The following UNC13C variants were observed in gnomAD, a reference collection of about 807,000 sequenced individuals.
UNC13C encodes protein unc-13 homolog C.
Under a neutral mutation model 245.4 loss-of-function variants are expected in UNC13C, and 174 were observed. That is an observed-to-expected ratio of 0.71 (90% CI 0.63 to 0.80). UNC13C has a LOEUF of 0.80. UNC13C is among the 30% of genes least tolerant of loss of function. The probability of loss-of-function intolerance (pLI) is 0.00; values close to 1 mark genes in which losing one functional copy is unlikely to be tolerated. For synonymous variants in UNC13C, 992 were observed against 895.1 expected, an observed-to-expected ratio of 1.11 and a Z score of -1.93; for missense variants, 2,829 against 2,602.9, an observed-to-expected ratio of 1.09 and a Z score of -1.89.
At chr15:54,090,016 G>C (rs1595839405) in intron 2 of UNC13C, among the ~76,000 whole-genome samples, 2 of 152,308 alleles carry the variant, frequency 1.3e-5, no homozygotes, top group East Asian at 3.9e-4. Flanking sequence ...GGCACAAACA[G>C]CCTGGGGCTC....
At chr15:54,455,238 TG>T (rs1891446739) in intron 19 of UNC13C, among the ~76,000 whole-genome samples, 6 of 70,142 alleles carry the variant, frequency 8.6e-5, no homozygotes, top group African/African-American at 2.5e-4. Context: ...TATATATATA[TG>T]TTTTTTAATC....
chr15:54,106,746 A>G (rs1302472497), intron 2 of UNC13C, among the ~76,000 whole-genome samples: 1 of 152,218 alleles, frequency 6.6e-6, no homozygotes, highest in Non-Finnish European at 1.5e-5. Flanking sequence ...TATATGACTC[A>G]GTTTAAAACC....
chr15:54,531,393 G>A (rs1895728419), intron 25 of UNC13C, among the ~76,000 whole-genome samples: 1 of 152,118 alleles, frequency 6.6e-6, no homozygotes, highest in African/African-American at 2.4e-5. Flanking sequence ...AGATACATAA[G>A]GAATAATTTT....
At chr15:54,010,112 G>A (rs1031300885) in intron 1 of UNC13C, among the ~76,000 whole-genome samples, 5 of 152,136 alleles carry the variant, frequency 3.3e-5, no homozygotes, top group African/African-American at 9.7e-5. Flanking sequence ...AAGGCCCAGT[G>A]CAGCCAGTTT....
chr15:54,005,883 G>T lies in UNC13C; in HGVS notation c.-256-6765G>T, dbSNP rs112532316. Among the ~76,000 whole-genome samples, 1,181 of 152,306 alleles carry T rather than the reference G, an allele frequency of 7.8e-3. 6 individuals are homozygous for T. The highest frequency in any genetic ancestry group is 0.014 in the Middle Eastern group (4 of 294). On this transcript the variant is annotated intron_variant, in intron 1 of 32. Transcript: ENST00000260323. Reference sequence around the variant, plus strand: ...ATCGGGAGAAGGAGGAGAAGAAAATGATATTTAAGGGAAATTAGATGGGAT... The same window carrying T: ...ATCGGGAGAAGGAGGAGAAGAAAATTATATTTAAGGGAAATTAGATGGGAT...
intron 2 of UNC13C, among the ~76,000 whole-genome samples, chr15:54,017,113 C>G (rs1566953331): frequency 6.6e-6 from 1 of 152,104 alleles, no homozygotes; most frequent in Non-Finnish European, 1.5e-5. Context: ...GGGTTTGCCA[C>G]TCTAAAAATC....
chr15:54,246,232 CA>C (rs1193052641), intron 7 of UNC13C, among the ~76,000 whole-genome samples: 5 of 152,106 alleles, frequency 3.3e-5, no homozygotes, highest in Admixed American at 6.6e-5. Flanking sequence ...AAAGTTCTAA[CA>C]AAATATTTCT....
chr15:53,875,275 G>A, the UNC13C span, among the ~76,000 whole-genome samples: 1 of 152,188 alleles, frequency 6.6e-6, no homozygotes, highest in East Asian at 1.9e-4. Context: ...AGAGCCAAGG[G>A]CTTACTATGC....
intron 2 of UNC13C, among the ~76,000 whole-genome samples, chr15:54,086,195 G>A (rs758428190): frequency 1.8e-4 from 28 of 152,160 alleles, no homozygotes; most frequent in Non-Finnish European, 3.8e-4. Context: ...CAGTGTGTCT[G>A]TTAACCAGTC....
chr15:54,434,133 A>G (rs183545494), intron 19 of UNC13C, among the ~76,000 whole-genome samples: 2 of 152,310 alleles, frequency 1.3e-5, no homozygotes, highest in Non-Finnish European at 2.9e-5. Flanking sequence ...CAAAGAATCA[A>G]TATCGTGAAA....
rs1864421 is a variant in UNC13C, at chr15:54,150,418, C to G, written c.3071+6734C>G. 5.3e-5 allele frequency among the ~76,000 whole-genome samples: 8 copies of G among 152,154 alleles called. No individual in the cohort carries two copies. The Middle Eastern group carries it at 0.01, about 195-fold the overall frequency. Reference sequence around the variant, plus strand: ...CTTGATTGTATCATGCCTGTTAGTCCTCAGCACACTGTCTGCAGTCCTCAC... The same window carrying G: ...CTTGATTGTATCATGCCTGTTAGTCGTCAGCACACTGTCTGCAGTCCTCAC... On this transcript the variant is annotated intron_variant, in intron 4 of 32. Transcript: ENST00000260323.
At chr15:54,453,742 T>C (rs1891314579) in intron 19 of UNC13C, among the ~76,000 whole-genome samples, 1 of 152,232 alleles carries the variant, frequency 6.6e-6, no homozygotes, top group African/African-American at 2.4e-5. Flanking sequence ...TAAATAGATA[T>C]TCTCAGTTAA....
chr15:53,858,843 CT>C, the UNC13C span, among the ~76,000 whole-genome samples: 2 of 152,098 alleles, frequency 1.3e-5, no homozygotes, highest in Non-Finnish European at 2.9e-5. Flanking sequence ...CATTTTAATA[CT>C]CAAAATATTC....
At chr15:54,114,092 C>G (rs568391474) in intron 2 of UNC13C, among the ~76,000 whole-genome samples, 65 of 152,256 alleles carry the variant, frequency 4.3e-4, no homozygotes, top group African/African-American at 1.5e-3. Flanking sequence ...TTTTTATCCC[C>G]AAACCACTGC....
At chr15:54,250,613 C>A (rs2036119445) in intron 8 of UNC13C, among the ~76,000 whole-genome samples, 169 bp downstream of exon 8, 1 of 152,074 alleles carries the variant, frequency 6.6e-6, no homozygotes, top group Non-Finnish European at 1.5e-5. Context: ...GTTGATGATG[C>A]ATTCTTACAG....
the UNC13C span, among the ~76,000 whole-genome samples, chr15:53,849,462 A>G: frequency 1.3e-5 from 2 of 152,126 alleles, no homozygotes; most frequent in Non-Finnish European, 1.5e-5. Context: ...TATAAACCTT[A>G]TAACATTATA....
At chr15:54,357,132 T>C (rs909785959) in intron 17 of UNC13C, among the ~76,000 whole-genome samples, 14 of 152,094 alleles carry the variant, frequency 9.2e-5, no homozygotes, top group African/African-American at 3.4e-4. Context: ...CACTTTGAGA[T>C]TATTTTTAAA....
At position 54,180,730 on chromosome 15, in the gene UNC13C, C is replaced by T. The variant is rs926670627; in HGVS notation, c.3071+37046C>T. Among the ~76,000 whole-genome samples, 3 of 151,454 alleles carry T rather than the reference C, an allele frequency of 2.0e-5. No individual in the cohort carries two copies. The East Asian group carries it at 5.8e-4, about 29-fold the overall frequency. Reference sequence around the variant, plus strand: ...GTATCTCATTGTAGTTTTGACTTGCCTTTCTTTGACGATTAGTGATGATGA... The same window carrying T: ...GTATCTCATTGTAGTTTTGACTTGCTTTTCTTTGACGATTAGTGATGATGA... On this transcript the variant is annotated intron_variant, in intron 4 of 32. Transcript: ENST00000260323.
chr15:54,565,038 A>T (rs1240999850), intron 29 of UNC13C, among the ~76,000 whole-genome samples: 5 of 151,968 alleles, frequency 3.3e-5, no homozygotes, highest in African/African-American at 1.2e-4. Context: ...AGGGTGAATT[A>T]CCTACTGGCT....
Sources: gnomAD v4.1 joint callset for allele counts (sites outside exome capture counted in the v4.1 genomes callset) on GRCh38, gnomAD v4.1.1 for gene constraint, MANE v1.5 for transcripts, NCBI Gene and HGNC (gene_info 2026-07-23, HGNC 2026-07-21) for gene names.